Variants in RYR3 observed in about 807,000 individuals in gnomAD.
The protein encoded by RYR3 is ryanodine receptor 3.
RYR3 carries 207 observed loss-of-function variants against 584.3 expected under a neutral mutation model. The observed-to-expected ratio is 0.35, with a 90% CI of 0.32 to 0.40. The LOEUF (loss-of-function observed/expected upper bound fraction) is 0.40. Ranked by LOEUF, RYR3 falls within the 10% of genes least tolerant of loss-of-function variation. The pLI is 1.00. For synonymous variants in RYR3, 2,416 were observed against 2,248.5 expected (o/e 1.07, Z -2.11); for missense variants, 5,616 against 6,089.2 (o/e 0.92, Z 2.59).
intron 57 of RYR3, among the ~76,000 whole-genome samples, chr15:33,750,872 A>G (rs2071221985): frequency 6.6e-6 from 1 of 151,036 alleles, no homozygotes; most frequent in Non-Finnish European, 1.5e-5. Context: ...TCCCTCCCCT[A>G]CCCCCACAAC....
chr15:33,605,508 G>T lies in RYR3; in HGVS notation c.2164+2144G>T, dbSNP rs191945120. Among the ~76,000 whole-genome samples, 331 of 152,274 alleles carry T rather than the reference G, an allele frequency of 2.2e-3. 2 individuals carry two copies. Among genetic ancestry groups the T allele is most frequent in the Middle Eastern group, 3.4e-3 (1 of 292 alleles). On this transcript the variant is annotated intron_variant, in intron 18 of 103. Transcript: ENST00000634891. ...AAACTGATTGTGGCTCTCTGAAATG[G>T]CCTGCACTTGATGGTATATTGGCAT...
intron 1 of RYR3, among the ~76,000 whole-genome samples, chr15:33,379,687 C>CTCTCTCTCTATATA: frequency 3.2e-5 from 4 of 125,500 alleles, no homozygotes; most frequent in African/African-American, 1.4e-4. Context: ...CTCTCTCTCT[C>CTCTCTCTCTATATA]TATATATATA....
intron 60 of RYR3, among the ~76,000 whole-genome samples, chr15:33,759,131 C>G (rs1039219549): frequency 1.3e-5 from 2 of 152,190 alleles, no homozygotes; most frequent in Admixed American, 6.5e-5. Flanking sequence ...TGCAAAAGCT[C>G]CATCCAAAGG....
At chr15:33,637,516 A>T (rs1358078604) in intron 27 of RYR3, among the ~76,000 whole-genome samples, 1 of 152,154 alleles carries the variant, frequency 6.6e-6, no homozygotes, top group Non-Finnish European at 1.5e-5. Context: ...AGGACATCTT[A>T]GTTGACTTTA....
intron 1 of RYR3, among the ~76,000 whole-genome samples, chr15:33,432,443 T>C (rs538310990): frequency 3.2e-4 from 49 of 152,120 alleles, no homozygotes; most frequent in Admixed American, 9.8e-4. Flanking sequence ...TTTTCTTGTC[T>C]TAAGATGCTT....
chr15:33,374,669 C>T (rs1235062778), intron 1 of RYR3, among the ~76,000 whole-genome samples: 1 of 152,176 alleles, frequency 6.6e-6, no homozygotes, highest in African/African-American at 2.4e-5. Flanking sequence ...AATGACAACA[C>T]ATTTGTGCTC....
At chr15:33,829,485 GC>G (rs1048091892) in intron 85 of RYR3, among the ~76,000 whole-genome samples, 17 of 152,038 alleles carry the variant, frequency 1.1e-4, no homozygotes, top group African/African-American at 3.9e-4. Flanking sequence ...CCAGTGGCTC[GC>G]ATCTGTAATC....
At chr15:33,679,978 A>T (rs1044741835) in intron 38 of RYR3, among the ~76,000 whole-genome samples, 2 of 152,224 alleles carry the variant, frequency 1.3e-5, no homozygotes, top group Admixed American at 1.3e-4. Flanking sequence ...ATTGAGAGTA[A>T]ACAGCTCTCA....
chr15:33,758,133 G>T (rs368314685), intron 60 of RYR3, among the ~76,000 whole-genome samples: 1 of 152,206 alleles, frequency 6.6e-6, no homozygotes, highest in African/African-American at 2.4e-5. Context: ...TCTTCCCATG[G>T]TCTTCACAAC....
intron 66 of RYR3, among the ~76,000 whole-genome samples, chr15:33,787,468 G>T (rs1305016997): frequency 1.3e-5 from 2 of 151,824 alleles, no homozygotes; most frequent in South Asian, 2.1e-4. Context: ...GATTGTCAGT[G>T]GTTCACAACT....
Position 33,652,891 on chromosome 15 carries a change from C to A in RYR3, c.4308+8C>A, listed in dbSNP as rs144417845. On this transcript the variant is annotated splice_region_variant and intron_variant, in intron 32 of 103. Transcript: ENST00000634891. ...CTGGGCACCTGCTACCAGGTAAGGG[C>A]GGCTTCTGGGGCCGAAACAGGGCTA... is the stretch of plus-strand genomic sequence containing the variant. 2.5e-6 allele frequency: 4 copies of A among 1,601,678 alleles called. No individual in the cohort carries two copies. The East Asian group carries it at 6.7e-5, about 27-fold the overall frequency.
intron 47 of RYR3, 77 bp from the exon 48 acceptor site, chr15:33,731,397 C>A: frequency 9.9e-7 from 1 of 1,011,152 alleles, no homozygotes; most frequent in Non-Finnish European, 1.5e-6. Context: ...CAGCTTGCTA[C>A]ATGGGAACTC....
intron 12 of RYR3, among the ~76,000 whole-genome samples, chr15:33,569,378 C>G (rs759054538): frequency 6.6e-6 from 1 of 152,136 alleles, no homozygotes; most frequent in African/African-American, 2.4e-5. Context: ...AACTGAAACT[C>G]TGTATTTATT....
At chr15:33,629,463 A>G (rs1383885602) in intron 21 of RYR3, among the ~76,000 whole-genome samples, 1 of 152,264 alleles carries the variant, frequency 6.6e-6, no homozygotes, top group Non-Finnish European at 1.5e-5. Context: ...GTTAAACAAA[A>G]CACATTAATT....
At chr15:33,794,137 A>ATAAAT (rs2075385873) in intron 67 of RYR3, among the ~76,000 whole-genome samples, 4 of 49,876 alleles carry the variant, frequency 8.0e-5, no homozygotes, top group East Asian at 3.6e-3. Flanking sequence ...ATTTATATAT[A>ATAAAT]ATATACATAA....
chr15:33,537,453 G>A (rs1350137709), intron 5 of RYR3, among the ~76,000 whole-genome samples: 1 of 152,194 alleles, frequency 6.6e-6, no homozygotes, highest in African/African-American at 2.4e-5. Flanking sequence ...CAGAAAAGAT[G>A]CATGTGGATT....
intron 47 of RYR3, among the ~76,000 whole-genome samples, chr15:33,730,489 G>T (rs879679835): frequency 6.6e-6 from 1 of 152,188 alleles, no homozygotes; most frequent in Non-Finnish European, 1.5e-5. Context: ...CTCCCAGCAT[G>T]ATTACTGAAG....
chr15:33,813,563 C>T lies in RYR3; in HGVS notation c.10486C>T (p.Leu3496Phe). The part of the protein sequence containing the change: ...AVVACFRMAP[L>F]YNLPRHRSIN... ...GGTGGCCTGTTTCAGGATGGCCCCT[C>T]TCTACAACCTGCCCAGGCAAGTATT... The change falls in exon 74 of 104, where the codon CTC becomes TTC. Residue 3496 changes from leucine to phenylalanine, a missense_variant. Around this residue, in one of 9 missense-constraint regions of RYR3, gnomAD observed 954 missense variants for 1,132.2 expected, o/e 0.84. Coordinates refer to ENST00000634891, the MANE Select transcript of RYR3 (RefSeq NM_001036.6). The T allele has an allele frequency of 6.2e-7, 1 of 1,613,772 alleles. No individual in the cohort carries two copies. Among genetic ancestry groups the T allele is most frequent in the Non-Finnish European group, 8.5e-7 (1 of 1,179,696 alleles).
At chr15:33,647,988 CAA>C (rs3085194) in intron 30 of RYR3, among the ~76,000 whole-genome samples, 12,863 of 98,376 alleles carry the variant, frequency 0.13, 675 homozygotes, top group African/African-American at 0.24. Flanking sequence ...TAGCATCTGG[CAA>C]AAAAAAAAAA....
Sources: allele counts gnomAD v4.1 joint callset (sites outside exome capture counted in the v4.1 genomes callset), GRCh38; gene constraint gnomAD v4.1.1; regional missense constraint gnomAD v4.1.1; transcripts MANE v1.5; gene names NCBI Gene and HGNC (gene_info 2026-07-23, HGNC 2026-07-21).